Variants in COL4A4 observed in about 807,000 individuals in gnomAD.
The protein encoded by COL4A4 is collagen type IV alpha 4 chain.
A neutral mutation model predicts 192.9 loss-of-function variants in COL4A4; 105 were observed. That is an observed-to-expected ratio of 0.54 (90% CI 0.46 to 0.64). The LOEUF (loss-of-function observed/expected upper bound fraction) is 0.64, where lower values mean the gene tolerates loss of function less well. Ranked by LOEUF, COL4A4 falls within the 30% of genes least tolerant of loss-of-function variation. COL4A4 has a pLI of 0.00. For missense variants in COL4A4, 1,967 were observed against 2,169.3 expected (o/e 0.91, Z 1.85); for synonymous variants, 762 against 769.9 (o/e 0.99, Z 0.17).
At chr2:226,979,529 G>A in the COL4A4 span, among the ~76,000 whole-genome samples, 4 of 152,096 alleles carry the variant, frequency 2.6e-5, no homozygotes, top group African/African-American at 9.7e-5. Context: ...TTCTCTAGGA[G>A]CCCGTTTTAC....
chr2:227,082,031 T>C (rs1461778183), intron 23 of COL4A4, 84 bp downstream of exon 23: 7 of 1,138,626 alleles, frequency 6.1e-6, no homozygotes, highest in Admixed American at 1.7e-5. Context: ...AATTGATCTA[T>C]GGTCACAGGG....
At chr2:227,071,475 A>G (rs1180398206) in intron 25 of COL4A4, among the ~76,000 whole-genome samples, 1 of 152,184 alleles carries the variant, frequency 6.6e-6, no homozygotes, top group East Asian at 1.9e-4. Context: ...CACCACTGAC[A>G]GCACTAGACA....
At position 227,030,603 on chromosome 2, in the gene COL4A4, C is replaced by A. The variant is rs763608573; in HGVS notation, c.3818-5G>T. The A allele has an allele frequency of 6.3e-7, 1 of 1,584,428 alleles. No homozygotes were observed. Among genetic ancestry groups the A allele is most frequent in the African/African-American group, 1.4e-5 (1 of 72,900 alleles). Reference sequence around the variant, plus strand: ...GGCCTGGAGGCCCAGGTGCTCCTGACCACAGAGAAGAGACAAAAATATTCT... The same window carrying A: ...GGCCTGGAGGCCCAGGTGCTCCTGAACACAGAGAAGAGACAAAAATATTCT... On this transcript the variant is annotated splice_region_variant and splice_polypyrimidine_tract_variant and intron_variant, in intron 40 of 47. Transcript: ENST00000396625.
intron 4 of COL4A4, among the ~76,000 whole-genome samples, chr2:227,134,983 G>A (rs2062717740): frequency 6.6e-6 from 1 of 152,284 alleles, no homozygotes; most frequent in South Asian, 2.1e-4. Flanking sequence ...ATTCTAATTT[G>A]TAAGGACATG....
In COL4A4 at chr2:227,016,840, G is replaced by T. The variant is rs555409593; in HGVS notation, c.4217-4543C>A. On this transcript the variant is annotated intron_variant, in intron 44 of 47. Transcript: ENST00000396625. ...GAATTATTTCAGAGTGTCCTGGACTGCATGCTGTATGTGGTTACCATTCAG... is the reference window on the plus strand; with the variant it reads ...GAATTATTTCAGAGTGTCCTGGACTTCATGCTGTATGTGGTTACCATTCAG... Among the ~76,000 whole-genome samples, 6 of 152,324 alleles carry T rather than the reference G, an allele frequency of 3.9e-5. No homozygotes were observed. In the South Asian group the frequency reaches 1.2e-3, roughly 32 times the overall value.
chr2:227,070,658 G>A (rs1039640733), intron 25 of COL4A4, among the ~76,000 whole-genome samples: 1 of 132,284 alleles, frequency 7.6e-6, no homozygotes, highest in African/African-American at 2.9e-5. Context: ...TCATAGGTGG[G>A]AATTGAACAA....
chr2:226,989,903 T>C, the COL4A4 span, among the ~76,000 whole-genome samples: 4 of 152,222 alleles, frequency 2.6e-5, no homozygotes, highest in African/African-American at 9.6e-5. Context: ...CAAGGCTTCT[T>C]GTTTTGAGAT....
At position 227,007,448 on chromosome 2, in the gene COL4A4, G is replaced by C. The variant is rs542384685; in HGVS notation, c.4950C>G (p.Phe1650Leu). Reference protein sequence around the residue: ...TCHFFANKYSFWLTTVKADLQ... With the variant: ...TCHFFANKYSLWLTTVKADLQ... The stretch of plus-strand genomic sequence containing the variant: ...AGTCTGCTTTCACCGTTGTGAGCCA[G>C]AAGCTATACTTATTTGCGAAAAAGT... The change falls in exon 48 of 48, where the codon TTC becomes TTG. Residue 1650 changes from phenylalanine to leucine, a missense_variant. By Grantham distance (22) the Phe-to-Leu change is conservative (BLOSUM62 0). Coordinates refer to ENST00000396625, the MANE Select transcript of COL4A4 (RefSeq NM_000092.5). 8.7e-6 allele frequency: 14 copies of C among 1,614,250 alleles called. No homozygotes were observed. In the Admixed American group the frequency reaches 1.7e-4, roughly 19 times the overall value.
the COL4A4 span, among the ~76,000 whole-genome samples, chr2:226,973,793 C>T: frequency 6.6e-6 from 1 of 152,166 alleles, no homozygotes; most frequent in Non-Finnish European, 1.5e-5. Context: ...TGAAGTAGGT[C>T]GTATCTTTCT....
Position 227,010,360 on chromosome 2 carries a change from C to G in COL4A4, c.4475G>C (p.Ser1492Thr). 6.2e-7 allele frequency: 1 copy of G among 1,614,232 alleles called. No homozygotes were observed. Among genetic ancestry groups the G allele is most frequent in the Non-Finnish European group, 8.5e-7 (1 of 1,180,020 alleles). ...CTCTTGCCCTTCCAGGTATAACAGACTATACCCAGTCCAGAGCCTGGGCAT... is the reference window on the plus strand; with the variant it reads ...CTCTTGCCCTTCCAGGTATAACAGAGTATACCCAGTCCAGAGCCTGGGCAT... The part of the protein sequence containing the change: ...LGMPRLWTGY[S>T]LLYLEGQEKA... The change falls in exon 46 of 48, where the codon AGT (serine) becomes ACT (threonine). Residue 1492 changes from serine (S) to threonine (T), a missense_variant. Coordinates refer to ENST00000396625, the MANE Select transcript of COL4A4 (RefSeq NM_000092.5).
chr2:227,095,391 T>C (rs984007933), intron 19 of COL4A4, among the ~76,000 whole-genome samples: 2 of 152,220 alleles, frequency 1.3e-5, no homozygotes, highest in Non-Finnish European at 2.9e-5. Flanking sequence ...ATTTAACTTA[T>C]TGAGCATTCT....
chr2:226,973,182 G>T, the COL4A4 span, among the ~76,000 whole-genome samples: 41 of 152,148 alleles, frequency 2.7e-4, no homozygotes, highest in Non-Finnish European at 5.4e-4. Context: ...ACTATATAGT[G>T]TTGATTGTCC....
intron 4 of COL4A4, among the ~76,000 whole-genome samples, chr2:227,129,700 C>A (rs1028961879): frequency 6.6e-6 from 1 of 152,150 alleles, no homozygotes; most frequent in Non-Finnish European, 1.5e-5. Flanking sequence ...TGAGCCACTG[C>A]GCCTGGCCTC....
chr2:227,076,332 A>C (rs1002619342), intron 25 of COL4A4, among the ~76,000 whole-genome samples: 1 of 152,110 alleles, frequency 6.6e-6, no homozygotes, highest in Non-Finnish European at 1.5e-5. Flanking sequence ...CAGAAATAAC[A>C]CTACACATCT....
intron 4 of COL4A4, among the ~76,000 whole-genome samples, chr2:227,136,958 C>T (rs750254443): frequency 6.7e-6 from 1 of 149,578 alleles, no homozygotes; most frequent in African/African-American, 2.6e-5. Flanking sequence ...CTTGACAGTG[C>T]TACTTTCCCA....
At chr2:227,156,395 T>TAAAAAAAAAAA (rs5839193) in intron 1 of COL4A4, among the ~76,000 whole-genome samples, 1 of 135,154 alleles carries the variant, frequency 7.4e-6, no homozygotes, top group Non-Finnish European at 1.6e-5. Context: ...AAACCCCGTC[T>TAAAAAAAAAAA]AAAAAAAAAA....
At chr2:227,118,880 G>A in intron 6 of COL4A4, 119 bp from the exon 7 acceptor site, 1 of 750,494 alleles carries the variant, frequency 1.3e-6, no homozygotes, top group East Asian at 2.5e-5. Flanking sequence ...GTTTAGTTTT[G>A]TGAAACTTTC....
intron 1 of COL4A4, among the ~76,000 whole-genome samples, chr2:227,163,416 G>T (rs1279981228): frequency 1.3e-5 from 2 of 152,246 alleles, no homozygotes; most frequent in Non-Finnish European, 2.9e-5. Context: ...ACCTGTGTTA[G>T]TTACTATATC....
chr2:227,050,061 A>G lies in COL4A4; in HGVS notation c.3214+7T>C, dbSNP rs1279198552. 1 of 1,613,742 alleles carries G rather than the reference A, an allele frequency of 6.2e-7. No individual in the cohort carries two copies. The highest frequency in any genetic ancestry group is 8.5e-7 in the Non-Finnish European group (1 of 1,179,636). ...TGACAGATGGCTTCTGTATCTCCAAACCATACCTTTAGGTCCTCTTGCTCC... is the reference window on the plus strand; with the variant it reads ...TGACAGATGGCTTCTGTATCTCCAAGCCATACCTTTAGGTCCTCTTGCTCC... On this transcript the variant is annotated splice_region_variant and intron_variant, in intron 34 of 47. Coordinates refer to ENST00000396625, the MANE Select transcript of COL4A4 (RefSeq NM_000092.5).
Sources: gnomAD v4.1 joint callset for allele counts (sites outside exome capture counted in the v4.1 genomes callset) on GRCh38, gnomAD v4.1.1 for gene constraint, MANE v1.5 for transcripts, NCBI Gene and HGNC (gene_info 2026-07-23, HGNC 2026-07-21) for gene names.